XDH: variants seen among roughly 807,000 people sequenced by gnomAD.
XDH encodes the protein xanthine dehydrogenase/oxidase.
A neutral mutation model predicts 156.1 loss-of-function variants in XDH; 138 were observed. That is an observed-to-expected ratio of 0.88 (90% CI 0.77 to 1.02). The LOEUF (loss-of-function observed/expected upper bound fraction) is 1.02, where lower values mean the gene tolerates loss of function less well. Among genes scored for constraint, XDH ranks in the 50% least tolerant of loss-of-function variants. The probability of loss-of-function intolerance (pLI) is 0.00; values close to 1 mark genes in which losing one functional copy is unlikely to be tolerated. For synonymous variants in XDH, 669 were observed against 625.7 expected (o/e 1.07, Z -1.03); for missense variants, 1,849 against 1,684.9 (o/e 1.10, Z -1.71).
In XDH at chr2:31,339,655, C is replaced by T. The variant is rs776888814; in HGVS notation, c.3608G>A (p.Gly1203Asp). Residue 1203 changes from glycine to aspartate, a missense_variant, in exon 34 of 36, where the codon GGC (glycine) becomes GAC (aspartate). Physicochemically the swap from Gly to Asp is moderately conservative, Grantham distance 94 (BLOSUM62 -1). Coordinates refer to ENST00000379416, the MANE Select transcript of XDH (RefSeq NM_000379.4). ...IGQVEGAFVQ[G>D]LGLFTLEELH... ...CTCCTCTAGGGTGAAGAGGCCAAGG[C>T]CCTGGACAAATGCCCCTTCCACCTG... 1.9e-6 allele frequency: 3 copies of T among 1,614,012 alleles called. No individual in the cohort carries two copies. Among genetic ancestry groups the T allele is most frequent in the Non-Finnish European group, 1.7e-6 (2 of 1,180,022 alleles).
intron 24 of XDH, among the ~76,000 whole-genome samples, chr2:31,359,631 G>T (rs1368166329): frequency 1.3e-5 from 2 of 152,158 alleles, no homozygotes; most frequent in Non-Finnish European, 2.9e-5. Flanking sequence ...TAAAATCAGT[G>T]TTTTTATTCT....
intron 15 of XDH, among the ~76,000 whole-genome samples, chr2:31,375,049 G>T (rs1398761824): frequency 2.1e-5 from 2 of 96,830 alleles, no homozygotes; most frequent in African/African-American, 4.9e-5. Flanking sequence ...TTTTGAGACA[G>T]AGTTTCGCTC....
At chr2:31,370,242 C>G in intron 18 of XDH, 113 bp downstream of exon 18, 1 of 1,272,654 alleles carries the variant, frequency 7.9e-7, no homozygotes. Flanking sequence ...GGATGATGGC[C>G]ATAATCCATG....
At chr2:31,362,167 C>T (rs1558686233) in intron 24 of XDH, among the ~76,000 whole-genome samples, 2 of 152,248 alleles carry the variant, frequency 1.3e-5, no homozygotes, top group African/African-American at 2.4e-5. Flanking sequence ...AGCAAGCTTT[C>T]CTCAGAGCAC....
At chr2:31,409,071 T>C (rs1687273831) in intron 1 of XDH, among the ~76,000 whole-genome samples, 1 of 152,112 alleles carries the variant, frequency 6.6e-6, no homozygotes, top group South Asian at 2.1e-4. Flanking sequence ...TCTCACTGAT[T>C]TGTGGGAGCT....
At chr2:31,344,384 A>G (rs1272725076) in intron 31 of XDH, among the ~76,000 whole-genome samples, 1 of 152,170 alleles carries the variant, frequency 6.6e-6, no homozygotes, top group African/African-American at 2.4e-5. Flanking sequence ...ACCCATGAGG[A>G]AACAGGGGAA....
At position 31,397,655 on chromosome 2, in the gene XDH, G is replaced by C. The variant is rs776159403; in HGVS notation, c.495+13C>G. 1.5e-5 allele frequency: 25 copies of C among 1,614,000 alleles called. No individual in the cohort carries two copies. In the East Asian group the frequency reaches 5.6e-4, roughly 36 times the overall value. The stretch of plus-strand genomic sequence containing the variant: ...AGAAGCAGAGACACTGATGTTCTGG[G>C]GTCCCCACTTACCCTGGCAAAGGTC... On this transcript the variant is annotated intron_variant, in intron 6 of 35. Transcript: ENST00000379416.
chr2:31,352,808 A>G (rs1004015533), intron 24 of XDH, among the ~76,000 whole-genome samples: 10 of 152,100 alleles, frequency 6.6e-5, no homozygotes, highest in African/African-American at 1.9e-4. Flanking sequence ...AACTGAGCCA[A>G]TTAGGCAGCC....
Position 31,397,652 on chromosome 2 carries a change from T to G in XDH, c.495+16A>C, listed in dbSNP as rs1373549353. 1 of 1,614,034 alleles carries G rather than the reference T, an allele frequency of 6.2e-7. No individual in the cohort carries two copies. On this transcript the variant is annotated intron_variant, in intron 6 of 35. Coordinates refer to ENST00000379416, the MANE Select transcript of XDH (RefSeq NM_000379.4). Reference sequence around the variant, plus strand: ...TTTAGAAGCAGAGACACTGATGTTCTGGGGTCCCCACTTACCCTGGCAAAG... The same window carrying G: ...TTTAGAAGCAGAGACACTGATGTTCGGGGGTCCCCACTTACCCTGGCAAAG...
At chr2:31,383,219 TC>T in intron 10 of XDH, 67 bp from the exon 11 acceptor site, 1 of 1,610,858 alleles carries the variant, frequency 6.2e-7, no homozygotes. Flanking sequence ...CATGCACAGC[TC>T]CTCTGAAGCT....
At chr2:31,412,550 G>A (rs1290319712) in intron 1 of XDH, among the ~76,000 whole-genome samples, 1 of 152,114 alleles carries the variant, frequency 6.6e-6, no homozygotes, top group African/African-American at 2.4e-5. Flanking sequence ...GTTAATGGGT[G>A]CAGCAAACCA....
rs768309080 is a variant in XDH, at chr2:31,368,002, T to G, written c.2156A>C (p.Asp719Ala). 4 of 1,614,044 alleles carry G rather than the reference T, an allele frequency of 2.5e-6. No individual in the cohort carries two copies. The highest frequency in any genetic ancestry group is 2.5e-6 in the Non-Finnish European group (3 of 1,180,014). Residue 719 changes from aspartate (D) to alanine (A), a missense_variant, in exon 20 of 36, where the codon GAC (aspartate) becomes GCC (alanine). Asp to Ala is a moderately radical substitution (Grantham distance 126). Transcript: ENST00000379416. ...TGCTTCGGAAAACCCCTTCTTTAGGTCCCCTTTCTCGATCTTCAGCTCAGG... is the reference window on the plus strand; with the variant it reads ...TGCTTCGGAAAACCCCTTCTTTAGGGCCCCTTTCTCGATCTTCAGCTCAGG... ...YGPELKIEKG[D>A]LKKGFSEADN...
intron 25 of XDH, 46 bp from the exon 26 acceptor site, chr2:31,349,877 T>TTGTTAG (rs1491254321): frequency 6.2e-7 from 1 of 1,612,728 alleles, no homozygotes; most frequent in Non-Finnish European, 8.5e-7. Flanking sequence ...GGCAAGAGAC[T>TTGTTAG]GTGGGGGCAG....
chr2:31,401,528 T>C (rs1375693760), intron 3 of XDH, among the ~76,000 whole-genome samples, 200 bp from the exon 4 acceptor site: 1 of 152,130 alleles, frequency 6.6e-6, no homozygotes, highest in Non-Finnish European at 1.5e-5. Context: ...TCCTTATAGG[T>C]AAAGCTGAGC....
In XDH at chr2:31,347,515, T is replaced by A. The variant is rs1311125625; in HGVS notation, c.3276+7A>T. The A allele has an allele frequency of 6.2e-7, 1 of 1,613,586 alleles. No individual in the cohort carries two copies. The highest frequency in any genetic ancestry group is 8.5e-7 in the Non-Finnish European group (1 of 1,179,964). ...CTCTGCTCTGCGGGATCCCATGGGC[T>A]CCTTACATAGACGGCCTGTCCATTG... On this transcript the variant is annotated splice_region_variant and intron_variant, in intron 29 of 35. Transcript: ENST00000379416.
chr2:31,387,968 C>A (rs971962268), intron 7 of XDH, 71 bp from the exon 8 acceptor site: 3 of 1,493,050 alleles, frequency 2.0e-6, no homozygotes, highest in African/African-American at 2.8e-5. Flanking sequence ...ACCAATTCAG[C>A]CTTTCCTTCC....
In XDH at chr2:31,379,895, A is replaced by G; in HGVS notation, c.1214T>C (p.Leu405Pro). Reference sequence around the variant, plus strand: ...CCTGCTGTAGGGGATCTCTATGGAGAGCAGTATCTCCTCCGGGCTCAGCAG... The same window carrying G: ...CCTGCTGTAGGGGATCTCTATGGAGGGCAGTATCTCCTCCGGGCTCAGCAG... The part of the protein sequence containing the change: ...KTLLSPEEIL[L>P]SIEIPYSREG... Residue 405 changes from leucine to proline, a missense_variant, in exon 13 of 36, where the codon CTC (leucine) becomes CCC (proline). Leu to Pro is a moderately conservative substitution (Grantham distance 98, BLOSUM62 -3). Coordinates refer to ENST00000379416, the MANE Select transcript of XDH (RefSeq NM_000379.4). The G allele has an allele frequency of 6.2e-7, 1 of 1,614,134 alleles. No individual in the cohort carries two copies. The highest frequency in any genetic ancestry group is 8.5e-7 in the Non-Finnish European group (1 of 1,180,018).
chr2:31,389,644 A>G (rs892496374), intron 6 of XDH: 9 of 152,138 alleles, frequency 5.9e-5, no homozygotes, highest in African/African-American at 1.7e-4. Flanking sequence ...TTTTCCAGAC[A>G]AAGTGCCAGT....
Position 31,349,714 on chromosome 2 carries a change from G to A in XDH, c.2941C>T (p.Arg981Trp), listed in dbSNP as rs775019798. 1.4e-5 allele frequency: 22 copies of A among 1,614,010 alleles called. No individual in the cohort carries two copies. Among genetic ancestry groups the A allele is most frequent in the Middle Eastern group, 1.6e-4 (1 of 6,084 alleles). The change falls in exon 26 of 36, where the codon CGG (arginine) becomes TGG (tryptophan). Residue 981 changes from arginine (R) to tryptophan (W), a missense_variant. Coordinates refer to ENST00000379416, the MANE Select transcript of XDH (RefSeq NM_000379.4). ...TTGAACTTGTCAACCTCACTCTTCCGAGCATGATACTGAGAGCTTGCTAGG... is the reference window on the plus strand; with the variant it reads ...TTGAACTTGTCAACCTCACTCTTCCAAGCATGATACTGAGAGCTTGCTAGG... ...ECLASSQYHA[R>W]KSEVDKFNKE...
Sources: gnomAD v4.1 joint callset for allele counts (sites outside exome capture counted in the v4.1 genomes callset) on GRCh38, gnomAD v4.1.1 for gene constraint, MANE v1.5 for transcripts, NCBI Gene and HGNC (gene_info 2026-07-23, HGNC 2026-07-21) for gene names.